CMYA5: variants seen among roughly 807,000 people sequenced by gnomAD.
CMYA5 encodes cardiomyopathy-associated protein 5.
CMYA5 carries 246 observed loss-of-function variants against 318.9 expected under a neutral mutation model. That is an observed-to-expected ratio of 0.77 (90% CI 0.70 to 0.86). The LOEUF (loss-of-function observed/expected upper bound fraction) is 0.86, where lower values mean the gene tolerates loss of function less well. CMYA5 is among the 40% of genes least tolerant of loss of function. The probability of loss-of-function intolerance (pLI) is 0.00; values close to 1 mark genes in which losing one functional copy is unlikely to be tolerated. For missense variants in CMYA5, 4,589 were observed against 4,678.2 expected, an observed-to-expected ratio of 0.98 and a Z score of 0.56; for synonymous variants, 1,641 against 1,729.5, an observed-to-expected ratio of 0.95 and a Z score of 1.27.
chr5:79,788,515 C>A (rs563581515), intron 9 of CMYA5, among the ~76,000 whole-genome samples: 35 of 144,308 alleles, frequency 2.4e-4, no homozygotes, highest in African/African-American at 8.0e-4. Flanking sequence ...TTGCCAAGAT[C>A]GAGTTTGCTT....
At position 79,734,090 on chromosome 5, in the gene CMYA5, T is replaced by A; in HGVS notation, c.5325T>A (p.Thr1775=). The A allele has an allele frequency of 6.2e-7, 1 of 1,613,724 alleles. No homozygotes were observed. Among genetic ancestry groups the A allele is most frequent in the Non-Finnish European group, 8.5e-7 (1 of 1,179,818 alleles). ...GNQEIGPLPP[T]GNLKAQVMGD... ...AAGAAATAGGCCCATTACCACCAACTGGAAATTTGAAGGCACAAGTCATGG... is the reference window on the plus strand; with the variant it reads ...AAGAAATAGGCCCATTACCACCAACAGGAAATTTGAAGGCACAAGTCATGG... Residue 1775 remains threonine, a synonymous_variant, in exon 2 of 13, where the codon ACT becomes ACA. Coordinates refer to ENST00000446378, the MANE Select transcript of CMYA5 (RefSeq NM_153610.5).
At position 79,729,505 on chromosome 5, in the gene CMYA5, C is replaced by T. The variant is rs1193270399; in HGVS notation, c.740C>T (p.Thr247Ile). 6.2e-7 allele frequency: 1 copy of T among 1,610,224 alleles called. No homozygotes were observed. ...TTAATTCCTCTACAATTTTATGGAA[C>T]ATTGCCAAAGGGTTATGTAATTAAA... ...EELIPLQFYG[T>I]LPKGYVIKEI... is the part of the protein sequence containing the mutation. Residue 247 changes from threonine (T) to isoleucine (I), a missense_variant, in exon 2 of 13, where the codon ACA becomes ATA. Thr to Ile is a moderately conservative substitution (Grantham distance 89). Around this residue, in one of 3 missense-constraint regions of CMYA5, gnomAD observed 2,132 missense variants for 2,131.3 expected, o/e 1.00. Coordinates refer to ENST00000446378, the MANE Select transcript of CMYA5 (RefSeq NM_153610.5).
chr5:79,799,484 G>C lies in CMYA5; in HGVS notation c.12078G>C (p.Glu4026Asp). 6.2e-7 allele frequency: 1 copy of C among 1,614,022 alleles called. No homozygotes were observed. Among genetic ancestry groups the C allele is most frequent in the Non-Finnish European group, 8.5e-7 (1 of 1,179,910 alleles). Residue 4026 changes from glutamate (E) to aspartate (D), a missense_variant, in exon 13 of 13, where the codon GAG becomes GAC. By Grantham distance (45) the Glu-to-Asp change is conservative (BLOSUM62 2). This residue lies in a region of CMYA5 where 2,431 missense variants were observed against 2,495.1 expected (regional missense o/e 0.97). Transcript: ENST00000446378. ...AGAGACTTATCTTCATCAACGCAGA[G>C]AGCGAGCAGTTGCTCTTCATCATCA... ...NNQRLIFINA[E>D]SEQLLFIIRH...
Position 79,799,664 on chromosome 5 carries a change from G to C in CMYA5, c.*48G>C, listed in dbSNP as rs80053562. The C allele has an allele frequency of 6.4e-7, 1 of 1,566,770 alleles. No individual in the cohort carries two copies. Among genetic ancestry groups the C allele is most frequent in the Non-Finnish European group, 8.7e-7 (1 of 1,152,266 alleles). Reference sequence around the variant, plus strand: ...AGAACAGCGATTTGAATTTTGGGGGGGTCTGCTGTTCATTCCTTTAGGTGC... The same window carrying C: ...AGAACAGCGATTTGAATTTTGGGGGCGTCTGCTGTTCATTCCTTTAGGTGC... On this transcript the variant is annotated 3_prime_UTR_variant, in exon 13 of 13. Coordinates refer to ENST00000446378, the MANE Select transcript of CMYA5 (RefSeq NM_153610.5).
chr5:79,788,308 C>A (rs185448538), intron 9 of CMYA5, among the ~76,000 whole-genome samples: 16 of 151,610 alleles, frequency 1.1e-4, no homozygotes, highest in Admixed American at 2.6e-4. Context: ...AGCTTGTTGG[C>A]AGATTCAGAG....
intron 5 of CMYA5, among the ~76,000 whole-genome samples, chr5:79,749,830 A>G (rs1217494171): frequency 6.6e-6 from 1 of 152,186 alleles, no homozygotes; most frequent in Admixed American, 6.5e-5. Flanking sequence ...TTCTACAACT[A>G]TACTGCTACC....
At chr5:79,771,427 C>A (rs1277504287) in intron 9 of CMYA5, among the ~76,000 whole-genome samples, 1 of 152,166 alleles carries the variant, frequency 6.6e-6, no homozygotes, top group Non-Finnish European at 1.5e-5. Flanking sequence ...CTTTCAGAGG[C>A]AAGATCAGCC....
At chr5:79,790,758 G>T (rs1453700375) in intron 10 of CMYA5, among the ~76,000 whole-genome samples, 1 of 152,204 alleles carries the variant, frequency 6.6e-6, no homozygotes, top group Non-Finnish European at 1.5e-5. Flanking sequence ...ACACCGTGAG[G>T]ACGTGCCTAT....
intron 1 of CMYA5, among the ~76,000 whole-genome samples, chr5:79,700,096 A>G (rs190809324): frequency 6.6e-6 from 1 of 152,342 alleles, no homozygotes; most frequent in East Asian, 1.9e-4. Flanking sequence ...AGAAATGGCA[A>G]CCACTCTTAT....
chr5:79,706,536 T>A (rs938083744), intron 1 of CMYA5, among the ~76,000 whole-genome samples: 1 of 151,846 alleles, frequency 6.6e-6, no homozygotes, highest in Non-Finnish European at 1.5e-5. Flanking sequence ...CCTAGAAGAG[T>A]CATGGCAAGA....
At chr5:79,728,071 C>T (rs1476081182) in intron 1 of CMYA5, among the ~76,000 whole-genome samples, 1 of 152,186 alleles carries the variant, frequency 6.6e-6, no homozygotes, top group Admixed American at 6.5e-5. Context: ...AACAAGCTCA[C>T]GAGATAGGTT....
Position 79,729,379 on chromosome 5 carries a change from C to T in CMYA5, c.614C>T (p.Thr205Ile), listed in dbSNP as rs191385245. 2.4e-5 allele frequency: 39 copies of T among 1,613,592 alleles called. No homozygotes were observed. In the African/African-American group the frequency reaches 4.5e-4, roughly 19 times the overall value. The change falls in exon 2 of 13, where the codon ACT (threonine) becomes ATT (isoleucine). Residue 205 changes from threonine (T) to isoleucine (I), a missense_variant. Coordinates refer to ENST00000446378, the MANE Select transcript of CMYA5 (RefSeq NM_153610.5). ...KKTTSNTPPITGAIYKEHKPL... is the reference protein window; with the variant it reads ...KKTTSNTPPIIGAIYKEHKPL... Reference sequence around the variant, plus strand: ...ACCACTTCAAATACACCTCCGATTACTGGGGCAATATACAAAGAACACAAG... The same window carrying T: ...ACCACTTCAAATACACCTCCGATTATTGGGGCAATATACAAAGAACACAAG...
chr5:79,737,280 T>C lies in CMYA5; in HGVS notation c.8515T>C (p.Ser2839Pro). ...NAVKKKEMPR[S>P]ELTPERHTVH... ...AGTGAAGAAAAAAGAAATGCCACGA[T>C]CAGAATTGACTCCAGAAAGGCATAC... Residue 2839 changes from serine (S) to proline (P), a missense_variant, in exon 2 of 13, where the codon TCA (serine) becomes CCA (proline). By Grantham distance (74) the Ser-to-Pro change is moderately conservative. Around this residue, in one of 3 missense-constraint regions of CMYA5, gnomAD observed 2,431 missense variants for 2,495.1 expected, o/e 0.97. Transcript: ENST00000446378. The C allele has an allele frequency of 6.2e-7, 1 of 1,613,782 alleles. No individual in the cohort carries two copies.
intron 9 of CMYA5, among the ~76,000 whole-genome samples, chr5:79,778,356 T>C (rs940190470): frequency 6.6e-6 from 1 of 152,210 alleles, no homozygotes; most frequent in Non-Finnish European, 1.5e-5. Context: ...ATAGAGGTTG[T>C]AGTTGTTTAT....
At chr5:79,788,643 C>T (rs1009031635) in intron 9 of CMYA5, among the ~76,000 whole-genome samples, 14 of 152,186 alleles carry the variant, frequency 9.2e-5, no homozygotes, top group African/African-American at 3.1e-4. Flanking sequence ...TCCAAAAGTG[C>T]CCTCTGGCCA....
intron 2 of CMYA5, among the ~76,000 whole-genome samples, chr5:79,741,198 A>C (rs1828201204): frequency 6.6e-6 from 1 of 152,034 alleles, no homozygotes; most frequent in African/African-American, 2.4e-5. Flanking sequence ...TATATACAGG[A>C]TATCTTTTAG....
intron 12 of CMYA5, 64 bp downstream of exon 12, chr5:79,793,674 C>G (rs770866602): frequency 6.9e-6 from 10 of 1,443,406 alleles, no homozygotes; most frequent in Non-Finnish European, 9.4e-6. Context: ...AGGCAGGGCT[C>G]TCTGAGGGAC....
In CMYA5 at chr5:79,731,399, A is replaced by G. The variant is rs1305161669; in HGVS notation, c.2634A>G (p.Glu878=). The change falls in exon 2 of 13, where the codon GAA becomes GAG. Residue 878 remains glutamate (E), a synonymous_variant. Coordinates refer to ENST00000446378, the MANE Select transcript of CMYA5 (RefSeq NM_153610.5). ...QAPPLSATPS[E]YVVLSDEEAV... Reference sequence around the variant, plus strand: ...CACCACTTTCAGCCACCCCATCTGAATATGTTGTTCTATCAGACGAAGAGG... The same window carrying G: ...CACCACTTTCAGCCACCCCATCTGAGTATGTTGTTCTATCAGACGAAGAGG... 3 of 1,613,586 alleles carry G rather than the reference A, an allele frequency of 1.9e-6. No homozygotes were observed. The highest frequency in any genetic ancestry group is 2.7e-5 in the African/African-American group (2 of 74,890).
intron 1 of CMYA5, among the ~76,000 whole-genome samples, chr5:79,706,231 T>C (rs1214937769): frequency 6.6e-6 from 1 of 152,108 alleles, no homozygotes; most frequent in African/African-American, 2.4e-5. Flanking sequence ...GTCATTTGAT[T>C]ATGAGGTGAG....
Sources: allele counts gnomAD v4.1 joint callset (sites outside exome capture counted in the v4.1 genomes callset), GRCh38; gene constraint gnomAD v4.1.1; regional missense constraint gnomAD v4.1.1; transcripts MANE v1.5; gene names NCBI Gene and HGNC (gene_info 2026-07-23, HGNC 2026-07-21).